DHX29: variants seen among roughly 807,000 people sequenced by gnomAD.
DHX29 encodes the protein ATP-dependent RNA helicase DHX29.
DHX29 carries 79 observed loss-of-function variants against 167.9 expected under a neutral mutation model. The ratio of observed to expected loss-of-function variants is 0.47; its 90% CI spans 0.39 to 0.57. The LOEUF (loss-of-function observed/expected upper bound fraction) is 0.57. Ranked by LOEUF, DHX29 falls within the 20% of genes least tolerant of loss-of-function variation. DHX29 has a pLI of 0.00. For synonymous variants in DHX29, 530 were observed against 546.0 expected (o/e 0.97, Z 0.41); for missense variants, 1,347 against 1,593.4 (o/e 0.85, Z 2.63).
chr5:55,263,310 T>C (rs191869630), intron 23 of DHX29, among the ~76,000 whole-genome samples: 2 of 152,206 alleles, frequency 1.3e-5, no homozygotes, highest in African/African-American at 4.8e-5. Context: ...ATCTTGATCC[T>C]AGATTGCAAG....
At chr5:55,264,529 G>A (rs1350235807) in intron 23 of DHX29, among the ~76,000 whole-genome samples, 1 of 152,186 alleles carries the variant, frequency 6.6e-6, no homozygotes, top group Non-Finnish European at 1.5e-5. Context: ...CAAGCCTGGA[G>A]CATAAAATAC....
At chr5:55,274,786 T>A (rs1416154027) in intron 15 of DHX29, 55 bp from the exon 16 acceptor site, 1 of 1,563,154 alleles carries the variant, frequency 6.4e-7, no homozygotes, top group Admixed American at 2.0e-5. Context: ...GAACAGCATA[T>A]AAAATATTAA....
At chr5:55,273,415 C>A in intron 16 of DHX29, 38 bp from the exon 17 acceptor site, 1 of 1,489,218 alleles carries the variant, frequency 6.7e-7, no homozygotes, top group South Asian at 1.4e-5. Context: ...AAGAGTTTCT[C>A]TTTAGAAGAC....
chr5:55,290,230 T>C lies in DHX29; in HGVS notation c.895A>G (p.Lys299Glu). The C allele has an allele frequency of 6.2e-7, 1 of 1,608,332 alleles. No homozygotes were observed. Among genetic ancestry groups the C allele is most frequent in the Non-Finnish European group, 8.5e-7 (1 of 1,179,030 alleles). The change falls in exon 7 of 27, where the codon AAA (lysine) becomes GAA (glutamate). Residue 299 changes from lysine (K) to glutamate (E), a missense_variant. By Grantham distance (56) the Lys-to-Glu change is moderately conservative. This residue lies in a region of DHX29 where 405 missense variants were observed against 416.8 expected (regional missense o/e 0.97). Transcript: ENST00000251636. ...TGAAAGTGTTTACCTCTTTGAAATT[T>C]CCTTATTTTTTCCTGAGCCTCTTTT... ...GQKEAQEKIR[K>E]FQREMETLED... is the part of the protein sequence containing the mutation.
chr5:55,273,475 T>C, intron 16 of DHX29, 98 bp from the exon 17 acceptor site: 2 of 1,296,098 alleles, frequency 1.5e-6, no homozygotes, highest in Non-Finnish European at 2.0e-6. Context: ...AACTTTAAGA[T>C]TTTTTACTAT....
intron 26 of DHX29, among the ~76,000 whole-genome samples, chr5:55,258,219 T>A (rs773562497): frequency 9.9e-5 from 15 of 152,280 alleles, no homozygotes; most frequent in African/African-American, 3.6e-4. Flanking sequence ...CAGCACCAAC[T>A]AGAAAGTATT....
chr5:55,303,496 AAGT>A (rs1414618040), intron 1 of DHX29, among the ~76,000 whole-genome samples: 1 of 152,216 alleles, frequency 6.6e-6, no homozygotes, highest in Non-Finnish European at 1.5e-5. Flanking sequence ...GCCTGTGAGG[AAGT>A]ACACACTGCC....
At chr5:55,269,276 A>C (rs1746732951) in intron 21 of DHX29, 137 bp downstream of exon 21, 1 of 724,316 alleles carries the variant, frequency 1.4e-6, no homozygotes, top group Non-Finnish European at 2.2e-6. Flanking sequence ...TCAAGCATTC[A>C]GGCCCTCTCG....
At position 55,276,271 on chromosome 5, in the gene DHX29, A is replaced by AT. The variant is rs1747107705; in HGVS notation, c.2421dup (p.Tyr808IlefsTer14). 4 of 1,571,608 alleles carry AT rather than the reference A, an allele frequency of 2.5e-6. No homozygotes were observed. Among genetic ancestry groups the AT allele is most frequent in the Non-Finnish European group, 2.6e-6 (3 of 1,167,616 alleles). The stretch of plus-strand genomic sequence containing the variant: ...TCAAAATATTTTCTTTTTACCTGAT[A>AT]TTTTTTTATTCCCCCTGCTTTGCTT... On this transcript the variant is annotated frameshift_variant, in exon 14 of 27. Coordinates refer to ENST00000251636, the MANE Select transcript of DHX29 (RefSeq NM_019030.4). LOFTEE classifies it high-confidence loss of function.
intron 18 of DHX29, among the ~76,000 whole-genome samples, chr5:55,271,633 T>A (rs1306506017): frequency 6.6e-6 from 1 of 152,066 alleles, no homozygotes; most frequent in Non-Finnish European, 1.5e-5. Flanking sequence ...GTCTCAAAAA[T>A]AAAATAAAAG....
intron 21 of DHX29, among the ~76,000 whole-genome samples, 163 bp downstream of exon 21, chr5:55,269,243 CAAAAAAA>C (rs34353606): frequency 1.4e-5 from 1 of 72,666 alleles, no homozygotes; most frequent in Non-Finnish European, 3.0e-5. Flanking sequence ...GACCCTGTCT[CAAAAAAA>C]AAAAAAAAAA....
At chr5:55,279,663 A>C (rs1747295995) in intron 12 of DHX29, 1 of 152,582 alleles carries the variant, frequency 6.6e-6, no homozygotes. Flanking sequence ...AGTAGATAGG[A>C]CTACAGGGAA....
intron 9 of DHX29, 92 bp from the exon 10 acceptor site, chr5:55,285,508 T>C: frequency 7.5e-7 from 1 of 1,330,624 alleles, no homozygotes; most frequent in Non-Finnish European, 1.0e-6. Flanking sequence ...CTCAAGTTTG[T>C]TAATTATTTA....
chr5:55,277,015 C>T, intron 13 of DHX29, 91 bp downstream of exon 13: 2 of 873,256 alleles, frequency 2.3e-6, no homozygotes, highest in Non-Finnish European at 3.6e-6. Flanking sequence ...AGGAATAGTT[C>T]TGGCCTCTGA....
Position 55,256,546 on chromosome 5 carries a change from T to A in DHX29, c.4058-6A>T. The A allele has an allele frequency of 6.3e-7, 1 of 1,581,674 alleles. No individual in the cohort carries two copies. The highest frequency in any genetic ancestry group is 8.5e-7 in the Non-Finnish European group (1 of 1,170,598). On this transcript the variant is annotated splice_polypyrimidine_tract_variant and splice_region_variant and intron_variant, in intron 26 of 26. Transcript: ENST00000251636. Reference sequence around the variant, plus strand: ...GATCTGCAGAATCTTGTCATCTGAGTGGAAGGAAAAAAAAAAGCCACGAAT... The same window carrying A: ...GATCTGCAGAATCTTGTCATCTGAGAGGAAGGAAAAAAAAAAGCCACGAAT...
intron 14 of DHX29, 138 bp from the exon 15 acceptor site, chr5:55,275,148 C>T: frequency 1.0e-6 from 1 of 991,334 alleles, no homozygotes; most frequent in Non-Finnish European, 1.5e-6. Context: ...TGTTAAAATA[C>T]AGGAAGCGTA....
chr5:55,306,154 C>T (rs1748847830), intron 1 of DHX29, among the ~76,000 whole-genome samples: 1 of 152,200 alleles, frequency 6.6e-6, no homozygotes, highest in South Asian at 2.1e-4. Context: ...GTAGCTAACA[C>T]TACAATAAAT....
rs1172045042 is a variant in DHX29 at position 55,295,383 on chromosome 5, C to T, written c.647G>A (p.Ser216Asn). 6.2e-7 allele frequency: 1 copy of T among 1,609,340 alleles called. No homozygotes were observed. Among genetic ancestry groups the T allele is most frequent in the East Asian group, 2.2e-5 (1 of 44,806 alleles). Reference protein sequence around the residue: ...KTKTYEEDPKSKPKKEEKNME... With the variant: ...KTKTYEEDPKNKPKKEEKNME... ...AATGCTTAATTCTCAAATTACCTTACTCTTAGGGTCCTCTTCATATGTTTT... is the reference window on the plus strand; with the variant it reads ...AATGCTTAATTCTCAAATTACCTTATTCTTAGGGTCCTCTTCATATGTTTT... Residue 216 changes from serine (S) to asparagine (N), a missense_variant, in exon 5 of 27, where the codon AGT (serine) becomes AAT (asparagine). Ser to Asn is a conservative substitution (Grantham distance 46). Around this residue, in one of 3 missense-constraint regions of DHX29, gnomAD observed 405 missense variants for 416.8 expected, o/e 0.97. Coordinates refer to ENST00000251636, the MANE Select transcript of DHX29 (RefSeq NM_019030.4).
chr5:55,258,549 G>A (rs1045348664), intron 26 of DHX29, among the ~76,000 whole-genome samples: 1 of 152,188 alleles, frequency 6.6e-6, no homozygotes, highest in Non-Finnish European at 1.5e-5. Flanking sequence ...GATTTGGCAA[G>A]TTTGAGAAAC....
Sources: allele counts gnomAD v4.1 joint callset (sites outside exome capture counted in the v4.1 genomes callset), GRCh38; gene constraint gnomAD v4.1.1; regional missense constraint gnomAD v4.1.1; transcripts MANE v1.5; gene names NCBI Gene and HGNC (gene_info 2026-07-23, HGNC 2026-07-21).